The following PPP3CC variants were observed in gnomAD, a reference collection of about 807,000 sequenced individuals.
PPP3CC encodes serine/threonine-protein phosphatase 2B catalytic subunit gamma isoform.
Under a neutral mutation model 60.3 loss-of-function variants are expected in PPP3CC, and 35 were observed. The ratio of observed to expected loss-of-function variants is 0.58; its 90% CI spans 0.44 to 0.77. The LOEUF (loss-of-function observed/expected upper bound fraction) is 0.77, where lower values mean the gene tolerates loss of function less well. PPP3CC is among the 30% of genes least tolerant of loss of function. The pLI is 0.00. For missense variants in PPP3CC, 570 were observed against 628.9 expected, an observed-to-expected ratio of 0.91 and a Z score of 1.00; for synonymous variants, 206 against 224.3, an observed-to-expected ratio of 0.92 and a Z score of 0.73.
At chr8:22,489,387 CCT>C in intron 3 of PPP3CC, among the ~76,000 whole-genome samples, 1 of 151,112 alleles carries the variant, frequency 6.6e-6, no homozygotes. Flanking sequence ...TTCCTTACTC[CCT>C]CTCCCCAGTA....
intron 1 of PPP3CC, among the ~76,000 whole-genome samples, chr8:22,446,729 C>T (rs147705451): frequency 7.4e-6 from 1 of 134,526 alleles, no homozygotes; most frequent in South Asian, 2.5e-4. Context: ...TCGTTTGAAT[C>T]TGGGAGGCAG....
intron 3 of PPP3CC, among the ~76,000 whole-genome samples, chr8:22,478,520 C>T (rs775155913): frequency 5.9e-5 from 9 of 152,034 alleles, no homozygotes; most frequent in Non-Finnish European, 1.3e-4. Context: ...CTTAAAATAG[C>T]TTTAAAATAG....
chr8:22,502,593 CAGG>C (rs1178634187), intron 4 of PPP3CC, among the ~76,000 whole-genome samples: 5 of 151,996 alleles, frequency 3.3e-5, no homozygotes, highest in South Asian at 4.2e-4. Flanking sequence ...GAGGCTGAGG[CAGG>C]AGGATTGCAT....
At chr8:22,520,801 A>G (rs2461477) in intron 6 of PPP3CC, among the ~76,000 whole-genome samples, 69,211 of 151,998 alleles carry the variant, frequency 0.46, 15,762 homozygotes, top group East Asian at 0.55. Flanking sequence ...ATACATCTCT[A>G]TTTATTTAGG....
chr8:22,527,376 C>A lies in PPP3CC; in HGVS notation c.944-16C>A. 6.2e-7 allele frequency: 1 copy of A among 1,612,956 alleles called. No homozygotes were observed. The highest frequency in any genetic ancestry group is 8.5e-7 in the Non-Finnish European group (1 of 1,179,166). On this transcript the variant is annotated splice_polypyrimidine_tract_variant and intron_variant, in intron 8 of 13. Transcript: ENST00000240139. ...TGTTCCTCTGTGCCAGATTTTCTTG[C>A]TTTTTTCCTTTTTAGCTGCTGTGTT...
intron 12 of PPP3CC, among the ~76,000 whole-genome samples, chr8:22,536,473 C>A (rs1398436477): frequency 6.6e-6 from 1 of 152,208 alleles, no homozygotes; most frequent in Non-Finnish European, 1.5e-5. Flanking sequence ...CAGGGCTGAG[C>A]AACAGAATTA....
chr8:22,473,891 CTGTTT>C (rs1563706681), intron 1 of PPP3CC, among the ~76,000 whole-genome samples: 2 of 151,930 alleles, frequency 1.3e-5, no homozygotes, highest in Admixed American at 6.6e-5. Context: ...TTGTTTTATT[CTGTTT>C]TGTTTTGTTT....
chr8:22,467,538 G>A (rs542377400), intron 1 of PPP3CC, among the ~76,000 whole-genome samples: 2 of 152,016 alleles, frequency 1.3e-5, no homozygotes, highest in Non-Finnish European at 2.9e-5. Flanking sequence ...CACTTCCTGG[G>A]TTCAAGTGAT....
intron 1 of PPP3CC, among the ~76,000 whole-genome samples, chr8:22,447,455 TA>T (rs1836864832): frequency 6.6e-6 from 1 of 152,056 alleles, no homozygotes; most frequent in Admixed American, 6.5e-5. Context: ...GTGCTGGGAT[TA>T]CAGGCGTGAG....
intron 8 of PPP3CC, 113 bp downstream of exon 8, chr8:22,522,862 GA>G (rs1489231091): frequency 2.0e-5 from 15 of 767,418 alleles, no homozygotes; most frequent in East Asian, 5.7e-5. Flanking sequence ...TTTTAAATAA[GA>G]AAAAAAGGGG....
At chr8:22,499,375 C>G (rs1838694774) in intron 4 of PPP3CC, among the ~76,000 whole-genome samples, 1 of 150,406 alleles carries the variant, frequency 6.6e-6, no homozygotes, top group Non-Finnish European at 1.5e-5. Flanking sequence ...GGAAGCGGAG[C>G]TTGCAGTGAG....
chr8:22,492,463 G>T (rs1838434242), intron 3 of PPP3CC, among the ~76,000 whole-genome samples: 1 of 152,102 alleles, frequency 6.6e-6, no homozygotes, highest in South Asian at 2.1e-4. Flanking sequence ...ATTAGCCTTA[G>T]CTTATTGTAA....
chr8:22,485,923 T>G (rs974081764), intron 3 of PPP3CC, among the ~76,000 whole-genome samples: 4 of 152,158 alleles, frequency 2.6e-5, no homozygotes, highest in Non-Finnish European at 5.9e-5. Flanking sequence ...AAATTAGCCT[T>G]AGAATTTCAG....
chr8:22,531,260 T>C, intron 10 of PPP3CC: 1 of 1,501,692 alleles, frequency 6.7e-7, no homozygotes, highest in Non-Finnish European at 9.0e-7. Flanking sequence ...CTCATATTTC[T>C]GTCTTCATCT....
At chr8:22,496,855 A>T (rs1479530548) in intron 3 of PPP3CC, among the ~76,000 whole-genome samples, 1 of 151,886 alleles carries the variant, frequency 6.6e-6, no homozygotes, top group African/African-American at 2.4e-5. Flanking sequence ...ATGTCTTTCC[A>T]TTATTTCATG....
At chr8:22,535,430 T>C (rs1178887255) in intron 12 of PPP3CC, among the ~76,000 whole-genome samples, 1 of 152,226 alleles carries the variant, frequency 6.6e-6, no homozygotes, top group Non-Finnish European at 1.5e-5. Context: ...CTTTTTTTGC[T>C]CCCCTTGTTT....
chr8:22,514,441 C>T (rs1250489485), intron 6 of PPP3CC, among the ~76,000 whole-genome samples: 1 of 151,834 alleles, frequency 6.6e-6, no homozygotes. Flanking sequence ...TTCGCCATTA[C>T]TTTTAGCATT....
chr8:22,447,066 G>A (rs1269984050), intron 1 of PPP3CC, among the ~76,000 whole-genome samples: 1 of 151,844 alleles, frequency 6.6e-6, no homozygotes, highest in Non-Finnish European at 1.5e-5. Flanking sequence ...GGAGTACAGT[G>A]GCGCGATCAT....
intron 12 of PPP3CC, among the ~76,000 whole-genome samples, chr8:22,539,170 C>T (rs556434840): frequency 1.5e-4 from 23 of 152,178 alleles, no homozygotes; most frequent in South Asian, 8.3e-4. Flanking sequence ...CATGTTGTTT[C>T]GATACGTGGA....
Sources: gnomAD v4.1 joint callset for allele counts (sites outside exome capture counted in the v4.1 genomes callset) on GRCh38, gnomAD v4.1.1 for gene constraint, MANE v1.5 for transcripts, NCBI Gene and HGNC (gene_info 2026-07-23, HGNC 2026-07-21) for gene names.